The following FMR1NB variants were observed in gnomAD, a reference collection of about 807,000 sequenced individuals.
FMR1NB encodes the protein FMR1 neighbor.
A neutral mutation model predicts 16.8 loss-of-function variants in FMR1NB; 10 were observed. That is an observed-to-expected ratio of 0.60 (90% CI 0.37 to 1.01). The LOEUF (loss-of-function observed/expected upper bound fraction) is 1.01. Ranked by LOEUF, FMR1NB falls within the 50% of genes least tolerant of loss-of-function variation. The probability of loss-of-function intolerance (pLI) is 0.01; values close to 1 mark genes in which losing one functional copy is unlikely to be tolerated. For synonymous variants in FMR1NB, 83 were observed against 79.1 expected, an observed-to-expected ratio of 1.05 and a Z score of -0.26; for missense variants, 205 against 204.8, an observed-to-expected ratio of 1.00 and a Z score of 0.00.
chrX:148,024,546 C>T (rs1224755871), intron 4 of FMR1NB, among the ~76,000 whole-genome samples: 1 of 111,659 alleles, frequency 9.0e-6, no homozygotes. Flanking sequence ...GAGCTGGCTT[C>T]CTAGACAAGA....
chrX:147,988,478 T>A (rs2044487803), intron 1 of FMR1NB, among the ~76,000 whole-genome samples: 1 of 111,292 alleles, frequency 9.0e-6, no homozygotes, highest in Admixed American at 9.6e-5. Flanking sequence ...GTCTGATGAT[T>A]ATGTGCCTTG....
chrX:147,985,982 T>A (rs2124610259), intron 1 of FMR1NB, among the ~76,000 whole-genome samples: 1 of 112,589 alleles, frequency 8.9e-6, no homozygotes, highest in African/African-American at 3.2e-5. Context: ...CAGCATCTGT[T>A]GTTTCCATAC....
intron 4 of FMR1NB, among the ~76,000 whole-genome samples, chrX:148,019,942 C>G (rs1430729702): frequency 8.9e-6 from 1 of 112,266 alleles, no homozygotes; most frequent in African/African-American, 3.2e-5. Flanking sequence ...CACTGGGACT[C>G]TACAAACAGC....
At chrX:148,025,149 T>C (rs911338993) in intron 5 of FMR1NB, 136 bp downstream of exon 5, 1 of 653,329 alleles carries the variant, frequency 1.5e-6, no homozygotes, top group African/African-American at 2.3e-5. Context: ...AGGGCCAGCT[T>C]CTGAACAAAT....
intron 1 of FMR1NB, among the ~76,000 whole-genome samples, chrX:147,986,299 G>A (rs781952388): frequency 1.4e-4 from 16 of 112,255 alleles, no homozygotes; most frequent in African/African-American, 5.2e-4. Flanking sequence ...AGTTTCTTTT[G>A]CTGAGCAGAA....
chrX:147,994,726 AT>A (rs2044533336), intron 1 of FMR1NB, among the ~76,000 whole-genome samples: 1 of 112,362 alleles, frequency 8.9e-6, no homozygotes, highest in Non-Finnish European at 1.9e-5. Context: ...TACTTTTTCC[AT>A]TATAGGTCTA....
chrX:147,998,403 A>G (rs1202568145), intron 1 of FMR1NB, among the ~76,000 whole-genome samples: 2 of 111,818 alleles, frequency 1.8e-5, no homozygotes, highest in Admixed American at 9.4e-5. Context: ...GAGTTGAACA[A>G]TGAGAACATA....
intron 1 of FMR1NB, among the ~76,000 whole-genome samples, chrX:147,989,123 CAT>C (rs2044491121): frequency 8.9e-6 from 1 of 111,984 alleles, no homozygotes; most frequent in South Asian, 3.7e-4. Context: ...GTTTTTTCCT[CAT>C]TTTTGTGGAT....
intron 1 of FMR1NB, among the ~76,000 whole-genome samples, chrX:147,998,644 T>C (rs1485627059): frequency 3.5e-5 from 4 of 112,878 alleles, no homozygotes; most frequent in Non-Finnish European, 5.6e-5. Flanking sequence ...TGGCAAGTGA[T>C]GTCAGCCGTG....
At chrX:147,992,959 C>G (rs1164404448) in intron 1 of FMR1NB, among the ~76,000 whole-genome samples, 1 of 104,873 alleles carries the variant, frequency 9.5e-6, no homozygotes, top group Admixed American at 9.7e-5. Context: ...AGGGGCTCCT[C>G]ACATCCCAGA....
At chrX:147,987,261 A>T in intron 1 of FMR1NB, among the ~76,000 whole-genome samples, 1 of 111,818 alleles carries the variant, frequency 8.9e-6, no homozygotes. Context: ...AAATCATGTC[A>T]TCTGCAAACA....
chrX:148,014,797 A>G (rs781993466), intron 4 of FMR1NB, among the ~76,000 whole-genome samples: 8 of 111,242 alleles, frequency 7.2e-5, no homozygotes, highest in African/African-American at 2.6e-4. Context: ...GGCGTGTGCC[A>G]CCACACCCAA....
chrX:147,998,553 T>C (rs1861368503), intron 1 of FMR1NB, among the ~76,000 whole-genome samples: 1 of 112,169 alleles, frequency 8.9e-6, no homozygotes, highest in African/African-American at 3.2e-5. Context: ...TGTATACCTA[T>C]GTAACAAACC....
intron 4 of FMR1NB, among the ~76,000 whole-genome samples, chrX:148,019,776 T>A (rs1157707875): frequency 8.9e-6 from 1 of 112,044 alleles, no homozygotes; most frequent in Non-Finnish European, 1.9e-5. Context: ...CTCTCTGGAC[T>A]GAGCTGCCTG....
At chrX:148,006,892 A>G (rs782446414) in intron 3 of FMR1NB, 50 bp downstream of exon 3, 4 of 1,117,347 alleles carry the variant, frequency 3.6e-6, no homozygotes, top group Non-Finnish European at 3.6e-6. Flanking sequence ...TTAAATAAAC[A>G]GATCGCAGTG....
intron 4 of FMR1NB, among the ~76,000 whole-genome samples, chrX:148,009,944 A>G (rs1478908055): frequency 8.9e-6 from 1 of 112,244 alleles, no homozygotes. Context: ...TAAACCATGA[A>G]TAACAATAAA....
At chrX:148,000,026 G>T (rs1017406920) in intron 1 of FMR1NB, among the ~76,000 whole-genome samples, 2 of 111,340 alleles carry the variant, frequency 1.8e-5, no homozygotes, top group African/African-American at 6.5e-5. Flanking sequence ...ATATAATTTA[G>T]CTTGATTTAA....
rs371953859 is a variant in FMR1NB, at chrX:148,002,697, G to A, written c.278-504G>A. 2.7e-4 allele frequency among the ~76,000 whole-genome samples: 30 copies of A among 112,217 alleles called. No homozygotes were observed. The East Asian group carries it at 3.1e-3, about 11-fold the overall frequency. On this transcript the variant is annotated intron_variant, in intron 1 of 5. Transcript: ENST00000370467. ...TATTTAATGCTATGGACAAATCTGT[G>A]TTATCCTCTTCTCTCATGTAGGAGG...
intron 1 of FMR1NB, among the ~76,000 whole-genome samples, chrX:147,990,147 G>C (rs1416192398): frequency 9.0e-6 from 1 of 111,313 alleles, no homozygotes; most frequent in Non-Finnish European, 1.9e-5. Context: ...GCACATGAGG[G>C]AATCTCCTGG....
Sources: allele counts gnomAD v4.1 joint callset (sites outside exome capture counted in the v4.1 genomes callset), GRCh38; gene constraint gnomAD v4.1.1; transcripts MANE v1.5; gene names NCBI Gene and HGNC (gene_info 2026-07-23, HGNC 2026-07-21).